Variants in AAGAB observed in about 807,000 individuals in gnomAD.
AAGAB encodes the protein alpha and gamma adaptin binding protein.
AAGAB carries 38 observed loss-of-function variants against 44.1 expected under a neutral mutation model. The observed-to-expected ratio is 0.86, with a 90% CI of 0.67 to 1.13. The LOEUF is 1.13. Ranked by LOEUF, AAGAB falls within the 50% of genes most tolerant of loss-of-function variation. The pLI is 0.00. For missense variants in AAGAB, 450 were observed against 373.8 expected, an observed-to-expected ratio of 1.20 and a Z score of -1.68; for synonymous variants, 131 against 131.8, an observed-to-expected ratio of 0.99 and a Z score of 0.04.
chr15:67,232,778 C>T, intron 4 of AAGAB: 1 of 221,948 alleles, frequency 4.5e-6, no homozygotes, highest in Non-Finnish European at 9.4e-6. Context: ...GTAAGAACGG[C>T]ATGAAGAAGG....
chr15:67,237,495 ATCTTTTGGAAATC>A (rs1964498020), intron 1 of AAGAB, among the ~76,000 whole-genome samples: 1 of 152,224 alleles, frequency 6.6e-6, no homozygotes, highest in Non-Finnish European at 1.5e-5. Flanking sequence ...TTATAACTGA[ATCTTTTGGAAATC>A]TATGTGCAGC....
intron 1 of AAGAB, among the ~76,000 whole-genome samples, chr15:67,253,931 C>T (rs1964980472): frequency 6.6e-6 from 1 of 152,070 alleles, no homozygotes; most frequent in East Asian, 1.9e-4. Context: ...TATCCAGTCC[C>T]ATGTTCTCTC....
rs552298908 is a variant in AAGAB, at chr15:67,202,140, C to T, written c.*681G>A. On this transcript the variant is annotated 3_prime_UTR_variant, in exon 10 of 10. Coordinates refer to ENST00000261880, the MANE Select transcript of AAGAB (RefSeq NM_024666.5). ...CTAACATACAACATATCCCCCACAA[C>T]TCAGTAGAGAGGTTTTCTTCCCACT... 6.6e-6 allele frequency: 1 copy of T among 152,608 alleles called. No individual in the cohort carries two copies. The highest frequency in any genetic ancestry group is 6.5e-5 in the Admixed American group (1 of 15,310). The allele number at this position is 152,608 out of a possible 1,614,324, so 9.5% of individuals were successfully genotyped here.
intron 1 of AAGAB, among the ~76,000 whole-genome samples, chr15:67,248,991 G>A (rs1459734714): frequency 6.6e-6 from 1 of 152,096 alleles, no homozygotes; most frequent in African/African-American, 2.4e-5. Context: ...GTCAAGTTAA[G>A]AAGCATTATA....
intron 7 of AAGAB, among the ~76,000 whole-genome samples, chr15:67,205,808 A>C (rs370478083): frequency 6.6e-6 from 1 of 152,290 alleles, no homozygotes. Context: ...AAACAAGTTT[A>C]GTAAAGAGAT....
chr15:67,221,545 C>G (rs1396001260), intron 5 of AAGAB, among the ~76,000 whole-genome samples: 1 of 152,130 alleles, frequency 6.6e-6, no homozygotes, highest in Non-Finnish European at 1.5e-5. Flanking sequence ...CTCAAAAGTT[C>G]CTAACAGTTT....
At chr15:67,236,600 T>C (rs375976894) in intron 2 of AAGAB, 30 bp downstream of exon 2, 3 of 1,607,450 alleles carry the variant, frequency 1.9e-6, no homozygotes, top group Non-Finnish European at 1.7e-6. Flanking sequence ...TAATTTCTTA[T>C]TCAAGCCTTC....
chr15:67,234,690 C>G (rs745623227), intron 4 of AAGAB, among the ~76,000 whole-genome samples: 5 of 152,028 alleles, frequency 3.3e-5, no homozygotes, highest in Non-Finnish European at 7.4e-5. Context: ...TATAAAGGAG[C>G]AGAGATTCCA....
intron 5 of AAGAB, among the ~76,000 whole-genome samples, chr15:67,217,583 G>T (rs1963979694): frequency 6.6e-6 from 1 of 152,128 alleles, no homozygotes; most frequent in African/African-American, 2.4e-5. Flanking sequence ...CTATCACCAG[G>T]CTGGAGTGCA....
At chr15:67,222,282 A>ACACAC (rs796412643) in intron 5 of AAGAB, among the ~76,000 whole-genome samples, 4 of 139,928 alleles carry the variant, frequency 2.9e-5, no homozygotes, top group East Asian at 2.3e-4. Context: ...ACACACACAC[A>ACACAC]CCCTCCACCC....
In AAGAB at chr15:67,204,090, A is replaced by C; in HGVS notation, c.774T>G (p.Asp258Glu). ...AAAAGAGTCTTTCAAAATTCTCCACATCTCCTCCTCCAGTGGTAAGACTGG... is the reference window on the plus strand; with the variant it reads ...AAAAGAGTCTTTCAAAATTCTCCACCTCTCCTCCTCCAGTGGTAAGACTGG... ...ELASLTTGGG[D>E]VENFERLFSK... is the part of the protein sequence containing the mutation. The change falls in exon 8 of 10, where the codon GAT (aspartate) becomes GAG (glutamate). Residue 258 changes from aspartate (D) to glutamate (E), a missense_variant. Physicochemically the swap from Asp to Glu is conservative, Grantham distance 45 (BLOSUM62 2). Transcript: ENST00000261880. The C allele has an allele frequency of 1.9e-6, 3 of 1,612,668 alleles. No homozygotes were observed. The highest frequency in any genetic ancestry group is 2.5e-6 in the Non-Finnish European group (3 of 1,178,824).
chr15:67,208,682 C>G (rs1963740067), intron 6 of AAGAB, 24 bp from the exon 7 acceptor site: 3 of 1,597,508 alleles, frequency 1.9e-6, no homozygotes, highest in Non-Finnish European at 2.6e-6. Context: ...TACACATAAG[C>G]AACAATTTAA....
At chr15:67,223,748 T>A (rs1488933527) in intron 5 of AAGAB, among the ~76,000 whole-genome samples, 2 of 152,190 alleles carry the variant, frequency 1.3e-5, no homozygotes, top group Admixed American at 6.5e-5. Context: ...TTACTCTGAG[T>A]AAATGTCAAA....
At chr15:67,255,055 G>A (rs1372400768), upstream of AAGAB, 31 of 1,098,690 alleles carry the variant, frequency 2.8e-5, no homozygotes, top group Non-Finnish European at 3.7e-5. Context: ...GCCGCCCCTA[G>A]ACTCCCTCCA....
intron 1 of AAGAB, among the ~76,000 whole-genome samples, chr15:67,238,347 T>C (rs1259325577): frequency 6.6e-6 from 1 of 152,188 alleles, no homozygotes; most frequent in Non-Finnish European, 1.5e-5. Context: ...GTCAATTCCA[T>C]CGCAACCAGC....
chr15:67,246,594 G>A (rs1964728590), intron 1 of AAGAB, among the ~76,000 whole-genome samples: 1 of 152,096 alleles, frequency 6.6e-6, no homozygotes, highest in African/African-American at 2.4e-5. Context: ...AGACTTCCTG[G>A]GTCGAGTGGG....
At chr15:67,246,583 T>C (rs1455157215) in intron 1 of AAGAB, among the ~76,000 whole-genome samples, 1 of 152,190 alleles carries the variant, frequency 6.6e-6, no homozygotes. Context: ...TGAAGCCTGC[T>C]AGACTTCCTG....
intron 5 of AAGAB, among the ~76,000 whole-genome samples, chr15:67,222,459 C>T (rs1304393395): frequency 6.6e-6 from 1 of 152,104 alleles, no homozygotes; most frequent in African/African-American, 2.4e-5. Context: ...TACCTCCTCC[C>T]TTCTGCCCTC....
chr15:67,224,691 G>T (rs191270538), intron 5 of AAGAB, among the ~76,000 whole-genome samples: 1 of 145,536 alleles, frequency 6.9e-6, no homozygotes, highest in African/African-American at 2.5e-5. Context: ...AGTGATTCTT[G>T]TGCCTCAGCC....
Sources: gnomAD v4.1 joint callset for allele counts (sites outside exome capture counted in the v4.1 genomes callset) on GRCh38, gnomAD v4.1.1 for gene constraint, MANE v1.5 for transcripts, NCBI Gene and HGNC (gene_info 2026-07-23, HGNC 2026-07-21) for gene names.